GAK: variants seen among roughly 807,000 people sequenced by gnomAD.
The protein encoded by GAK is cyclin G associated kinase, also known as cyclin-G-associated kinase.
GAK carries 79 observed loss-of-function variants against 143.9 expected under a neutral mutation model. The ratio of observed to expected loss-of-function variants is 0.55; its 90% CI spans 0.46 to 0.66. The LOEUF (loss-of-function observed/expected upper bound fraction) is 0.66. GAK is among the 30% of genes least tolerant of loss of function. GAK has a pLI of 0.00. For synonymous variants in GAK, 881 were observed against 765.5 expected (o/e 1.15, Z -2.49); for missense variants, 1,693 against 1,779.7 (o/e 0.95, Z 0.88).
At chr4:850,177 G>A (rs1747868044) in intron 26 of GAK, 109 bp from the exon 27 acceptor site, 12 of 1,035,904 alleles carry the variant, frequency 1.2e-5, no homozygotes, top group Non-Finnish European at 1.7e-5. Flanking sequence ...ACGTGGGGTG[G>A]GCTCAGCCCG....
chr4:889,727 G>T (rs1466000448), intron 10 of GAK, among the ~76,000 whole-genome samples: 1 of 152,212 alleles, frequency 6.6e-6, no homozygotes, highest in Non-Finnish European at 1.5e-5. Context: ...GGTCGGGAGG[G>T]GTCAGCGCCA....
Position 849,821 on chromosome 4 carries a change from C to T in GAK, c.3835-47G>A, listed in dbSNP as rs751692908. 5.0e-5 allele frequency: 72 copies of T among 1,435,334 alleles called. No homozygotes were observed. The Admixed American group carries it at 6.2e-4, about 12-fold the overall frequency. The allele number at this position is 1,435,334 out of a possible 1,614,324, so 88.9% of individuals were successfully genotyped here. On this transcript the variant is annotated intron_variant, in intron 27 of 27. Transcript: ENST00000314167. The stretch of plus-strand genomic sequence containing the variant: ...AGCGCCTCTTATAAGCATGCGGGGG[C>T]GGGCGGGGCAGGACCCCCCCCCCGC...
At chr4:859,445 G>T (rs781291412) in intron 24 of GAK, 161 bp downstream of exon 24, 3 of 1,588,378 alleles carry the variant, frequency 1.9e-6, no homozygotes, top group Non-Finnish European at 2.6e-6. Flanking sequence ...CCTGGAACAG[G>T]TGCAGACACG....
chr4:899,337 A>C (rs1297340603), intron 5 of GAK, among the ~76,000 whole-genome samples: 3 of 152,290 alleles, frequency 2.0e-5, no homozygotes, highest in Admixed American at 2.0e-4. Flanking sequence ...TCTGGAGAGG[A>C]AGAACAATGC....
intron 11 of GAK, chr4:887,431 ACAGGCACTCG>A (rs887774452): frequency 2.7e-5 from 4 of 147,450 alleles, no homozygotes; most frequent in African/African-American, 1.0e-4. Context: ...ACATGCACTC[ACAGGCACTCG>A]CACACATGCA....
intron 1 of GAK, among the ~76,000 whole-genome samples, chr4:921,101 CTTCT>C (rs945733660): frequency 4.6e-5 from 7 of 150,960 alleles, no homozygotes; most frequent in Non-Finnish European, 7.4e-5. Context: ...GTGATTTCTT[CTTCT>C]TTTTCTTTTT....
At chr4:928,876 G>A (rs555705013) in intron 1 of GAK, among the ~76,000 whole-genome samples, 53 of 152,194 alleles carry the variant, frequency 3.5e-4, no homozygotes, top group Non-Finnish European at 7.1e-4. Flanking sequence ...CGATTCTCCT[G>A]CCTCAGCCTC....
chr4:872,430 T>C (rs1712859603), intron 18 of GAK: 1 of 152,292 alleles, frequency 6.6e-6, no homozygotes, highest in African/African-American at 2.4e-5. Flanking sequence ...TGGCAGGGAC[T>C]GCACAGCGGT....
At chr4:859,319 C>A (rs1314646841) in intron 24 of GAK, 1 of 1,360,028 alleles carries the variant, frequency 7.4e-7, no homozygotes, top group South Asian at 1.2e-5. Context: ...ACCCCGCCTC[C>A]CCGATGGCCC....
Position 896,551 on chromosome 4 carries a change from TG to T in GAK, c.652-3del. 6.2e-7 allele frequency: 1 copy of T among 1,606,442 alleles called. No individual in the cohort carries two copies. Among genetic ancestry groups the T allele is most frequent in the Non-Finnish European group, 8.5e-7 (1 of 1,172,956 alleles). On this transcript the variant is annotated splice_region_variant and splice_polypyrimidine_tract_variant and intron_variant, in intron 6 of 27. Coordinates refer to ENST00000314167, the MANE Select transcript of GAK (RefSeq NM_005255.4). Reference sequence around the variant, plus strand: ...CATTGGTGTTGTATTCCTCGTGATCTGAAAAAATACAAACATTTCAAAGGAA... The same window carrying T: ...CATTGGTGTTGTATTCCTCGTGATCTAAAAAATACAAACATTTCAAAGGAA...
chr4:851,692 T>G, intron 25 of GAK, 58 bp downstream of exon 25: 5 of 1,536,420 alleles, frequency 3.3e-6, no homozygotes, highest in Non-Finnish European at 4.5e-6. Context: ...GGTTCTACCT[T>G]TAGCCAATTC....
At chr4:879,321 C>T (rs1714619191) in intron 15 of GAK, among the ~76,000 whole-genome samples, 1 of 152,254 alleles carries the variant, frequency 6.6e-6, no homozygotes, top group Admixed American at 6.5e-5. Context: ...AACAAAACCA[C>T]TCATGTTCAG....
At chr4:884,453 G>A (rs555838441) in intron 11 of GAK, 13 of 253,278 alleles carry the variant, frequency 5.1e-5, no homozygotes, top group South Asian at 3.7e-4. Flanking sequence ...TGGAGAGCAA[G>A]GGTGGCTTGG....
At chr4:930,505 T>A (rs1725486106) in intron 1 of GAK, among the ~76,000 whole-genome samples, 1 of 150,162 alleles carries the variant, frequency 6.7e-6, no homozygotes, top group African/African-American at 2.5e-5. Flanking sequence ...ATCCGTGCCA[T>A]CTTCTGCTTG....
At position 850,060 on chromosome 4, in the gene GAK, G is replaced by C. The variant is rs1307835870; in HGVS notation, c.3666C>G (p.Asp1222Glu). 1.9e-6 allele frequency: 3 copies of C among 1,577,020 alleles called. No homozygotes were observed. The highest frequency in any genetic ancestry group is 2.6e-6 in the Non-Finnish European group (3 of 1,154,720). ...TGTTCCGCTCCTTGCCCTCAATCCAGTCCAGGAGCTGCGGGAGACACGGAG... is the reference window on the plus strand; with the variant it reads ...TGTTCCGCTCCTTGCCCTCAATCCACTCCAGGAGCTGCGGGAGACACGGAG... ...DTDPLKLKLL[D>E]WIEGKERNIR... The change falls in exon 27 of 28, where the codon GAC becomes GAG. Residue 1222 changes from aspartate to glutamate, a missense_variant. Coordinates refer to ENST00000314167, the MANE Select transcript of GAK (RefSeq NM_005255.4).
intron 14 of GAK, among the ~76,000 whole-genome samples, chr4:882,299 G>A (rs1715302833): frequency 6.6e-6 from 1 of 152,350 alleles, no homozygotes; most frequent in East Asian, 1.9e-4. Flanking sequence ...CCCCGCAAAA[G>A]ACCCCTCATG....
intron 7 of GAK, 135 bp from the exon 8 acceptor site, chr4:894,144 G>C (rs1718262135): frequency 9.7e-7 from 1 of 1,028,458 alleles, no homozygotes; most frequent in Admixed American, 3.2e-5. Flanking sequence ...GGGAGCGCAG[G>C]GGTGACACTG....
At chr4:858,914 G>A (rs918382098) in intron 24 of GAK, among the ~76,000 whole-genome samples, 3 of 152,198 alleles carry the variant, frequency 2.0e-5, no homozygotes, top group East Asian at 1.9e-4. Context: ...GGGGGTCACC[G>A]GCACCAACAA....
chr4:878,375 T>C (rs542514804), intron 15 of GAK, among the ~76,000 whole-genome samples: 1 of 151,994 alleles, frequency 6.6e-6, no homozygotes, highest in African/African-American at 2.4e-5. Context: ...CAATTTTTAT[T>C]CCACTGTGGC....
Sources: allele counts gnomAD v4.1 joint callset (sites outside exome capture counted in the v4.1 genomes callset), GRCh38; gene constraint gnomAD v4.1.1; transcripts MANE v1.5; gene names NCBI Gene and HGNC (gene_info 2026-07-23, HGNC 2026-07-21).